Variants in MTAP observed in about 807,000 individuals in gnomAD.
MTAP encodes methylthioadenosine phosphorylase, also known as S-methyl-5'-thioadenosine phosphorylase.
In MTAP, 33 loss-of-function variants were observed where a neutral mutation model predicts 33.6. The ratio of observed to expected loss-of-function variants is 0.98; its 90% CI spans 0.74 to 1.31. MTAP has a LOEUF of 1.31. MTAP is among the 40% of genes most tolerant of loss of function. The pLI, the probability that MTAP is intolerant of heterozygous loss-of-function variation, is 0.00. For synonymous variants in MTAP, 148 were observed against 125.7 expected (o/e 1.18, Z -1.19); for missense variants, 367 against 360.0 (o/e 1.02, Z -0.16).
chr9:21,883,384 T>C (rs767336081), intron 1 of MTAP, among the ~76,000 whole-genome samples: 2 of 151,990 alleles, frequency 1.3e-5, no homozygotes, highest in African/African-American at 4.8e-5. Flanking sequence ...AACTCCAAGT[T>C]TGGGCAAAGA....
chr9:21,927,109 C>T (rs543872110), intron 1 of MTAP, among the ~76,000 whole-genome samples: 5 of 152,286 alleles, frequency 3.3e-5, no homozygotes, highest in Admixed American at 1.3e-4. Flanking sequence ...TTCTCACAAG[C>T]CCTAGCCCTT....
At chr9:21,834,344 T>A (rs1000142862) in intron 4 of MTAP, among the ~76,000 whole-genome samples, 1 of 152,310 alleles carries the variant, frequency 6.6e-6, no homozygotes, top group Non-Finnish European at 1.5e-5. Context: ...CTGAAATCCG[T>A]GTTTTCCAGT....
At chr9:21,884,804 T>C (rs1174825722) in intron 1 of MTAP, among the ~76,000 whole-genome samples, 3 of 152,178 alleles carry the variant, frequency 2.0e-5, no homozygotes, top group African/African-American at 7.2e-5. Flanking sequence ...CATATGAACT[T>C]TGGGGAGACA....
At chr9:21,896,271 C>G (rs1361989154) in intron 1 of MTAP, among the ~76,000 whole-genome samples, 1 of 151,830 alleles carries the variant, frequency 6.6e-6, no homozygotes, top group Non-Finnish European at 1.5e-5. Context: ...AATAAATGCC[C>G]ACAAGAGAAA....
At chr9:21,892,806 A>C (rs928815867) in intron 1 of MTAP, 1 of 152,210 alleles carries the variant, frequency 6.6e-6, no homozygotes, top group African/African-American at 2.4e-5. Flanking sequence ...CACTCCACCC[A>C]ACAACAACAG....
intron 2 of MTAP, among the ~76,000 whole-genome samples, 155 bp from the exon 3 acceptor site, chr9:21,816,559 T>C (rs886888485): frequency 6.6e-6 from 1 of 152,232 alleles, no homozygotes; most frequent in African/African-American, 2.4e-5. Context: ...AAGTAATTGA[T>C]TAAATGATTA....
At chr9:21,939,833 A>C (rs1357575416), downstream of MTAP, among the ~76,000 whole-genome samples, 1 of 152,138 alleles carries the variant, frequency 6.6e-6, no homozygotes, top group African/African-American at 2.4e-5. Flanking sequence ...AAGTGATCTG[A>C]GATTGTGCCA....
In MTAP at chr9:21,819,277, C is replaced by T. The variant is rs551130344; in HGVS notation, c.347+1075C>T. On this transcript the variant is annotated intron_variant, in intron 4 of 7. Transcript: ENST00000644715. ...TTTACATTGGGTATATCTCCTGATG[C>T]TTTCCCTCCCCACTCCCCCAACCCC... is the stretch of plus-strand genomic sequence containing the variant. Among the ~76,000 whole-genome samples, 7 of 152,120 alleles carry T rather than the reference C, an allele frequency of 4.6e-5. No homozygotes were observed. The South Asian group carries it at 1.5e-3, about 32-fold the overall frequency.
intron 1 of MTAP, among the ~76,000 whole-genome samples, chr9:21,873,551 G>A (rs374030592): frequency 4.0e-5 from 6 of 151,780 alleles, no homozygotes; most frequent in African/African-American, 1.5e-4. Flanking sequence ...CTATGAAGTA[G>A]AGTGGGCCCT....
chr9:21,940,834 G>A (rs1819126374), downstream of MTAP: 1 of 176,818 alleles, frequency 5.7e-6, no homozygotes, highest in Admixed American at 6.5e-5. Flanking sequence ...TTAGTATGGA[G>A]GTTTTATTAC....
At chr9:21,880,888 T>G (rs1817999893) in intron 1 of MTAP, among the ~76,000 whole-genome samples, 1 of 152,018 alleles carries the variant, frequency 6.6e-6, no homozygotes, top group African/African-American at 2.4e-5. Flanking sequence ...TGGCATTTTT[T>G]TTGCAGAAAC....
downstream of MTAP, chr9:21,941,077 T>A: frequency 1.2e-6 from 1 of 826,308 alleles, no homozygotes; most frequent in Non-Finnish European, 1.5e-6. Context: ...GTATAATAGT[T>A]ACTTAAAATT....
chr9:21,832,063 T>C (rs1824980896), intron 4 of MTAP, among the ~76,000 whole-genome samples: 1 of 152,218 alleles, frequency 6.6e-6, no homozygotes, highest in Non-Finnish European at 1.5e-5. Context: ...TTGAATTGAT[T>C]CCTAAAAGTT....
intron 4 of MTAP, among the ~76,000 whole-genome samples, chr9:21,834,369 T>G (rs899685138): frequency 2.0e-5 from 3 of 152,198 alleles, no homozygotes. Context: ...TCCCAAGCTA[T>G]GGGGAGATAA....
intron 4 of MTAP, among the ~76,000 whole-genome samples, chr9:21,819,540 T>C (rs549175983): frequency 2.0e-5 from 3 of 152,316 alleles, no homozygotes; most frequent in African/African-American, 7.2e-5. Flanking sequence ...CAGTCTATCA[T>C]TGATGGACAT....
intron 4 of MTAP, among the ~76,000 whole-genome samples, chr9:21,826,663 T>C (rs987709654): frequency 6.7e-6 from 1 of 150,328 alleles, no homozygotes; most frequent in African/African-American, 2.4e-5. Flanking sequence ...ACTGCACAAG[T>C]AATATATATT....
intron 1 of MTAP, among the ~76,000 whole-genome samples, chr9:21,914,797 A>C (rs1220202637): frequency 6.6e-6 from 1 of 151,940 alleles, no homozygotes; most frequent in African/African-American, 2.4e-5. Flanking sequence ...AAAAAAAATA[A>C]TAAACAAATG....
At chr9:21,874,184 C>T (rs1825973405) in intron 1 of MTAP, among the ~76,000 whole-genome samples, 2 of 152,094 alleles carry the variant, frequency 1.3e-5, no homozygotes, top group Admixed American at 6.6e-5. Context: ...ATAATGAACC[C>T]CTGTCTGCCA....
chr9:21,917,951 A>G (rs1053364617), intron 1 of MTAP, among the ~76,000 whole-genome samples: 1 of 152,244 alleles, frequency 6.6e-6, no homozygotes, highest in African/African-American at 2.4e-5. Context: ...CAACTTGGAT[A>G]GAGCTGGAGG....
Sources: gnomAD v4.1 joint callset for allele counts (sites outside exome capture counted in the v4.1 genomes callset) on GRCh38, gnomAD v4.1.1 for gene constraint, MANE v1.5 for transcripts, NCBI Gene and HGNC (gene_info 2026-07-23, HGNC 2026-07-21) for gene names.